Variants in KLF7 observed in about 807,000 individuals in gnomAD.
KLF7 encodes the protein KLF transcription factor 7.
KLF7 carries 2 observed loss-of-function variants against 27.3 expected under a neutral mutation model. The observed-to-expected ratio is 0.07, with a 90% CI of 0.03 to 0.23. The LOEUF is 0.23. KLF7 is among the 10% of genes least tolerant of loss of function. The probability of loss-of-function intolerance (pLI) is 1.00; values close to 1 mark genes in which losing one functional copy is unlikely to be tolerated. For synonymous variants in KLF7, 165 were observed against 162.4 expected, an observed-to-expected ratio of 1.02 and a Z score of -0.12; for missense variants, 221 against 394.1, an observed-to-expected ratio of 0.56 and a Z score of 3.72.
At chr2:207,094,585 A>G (rs1384693349) in intron 2 of KLF7, among the ~76,000 whole-genome samples, 1 of 152,224 alleles carries the variant, frequency 6.6e-6, no homozygotes, top group East Asian at 1.9e-4. Context: ...AGAGAATTTA[A>G]GCAAGCTGGA....
intron 2 of KLF7, among the ~76,000 whole-genome samples, chr2:207,098,472 T>C (rs1052108982): frequency 4.6e-5 from 7 of 152,170 alleles, no homozygotes; most frequent in African/African-American, 1.4e-4. Flanking sequence ...ACAATTCAAT[T>C]TGATGTATTA....
intron 2 of KLF7, among the ~76,000 whole-genome samples, chr2:207,116,359 T>C (rs1268721471): frequency 6.6e-6 from 1 of 152,240 alleles, no homozygotes; most frequent in African/African-American, 2.4e-5. Flanking sequence ...TGTCCTTATA[T>C]TTTAATTTTT....
chr2:207,127,842 C>CA (rs796567957), intron 1 of KLF7, among the ~76,000 whole-genome samples: 198 of 143,540 alleles, frequency 1.4e-3, no homozygotes, highest in South Asian at 0.011. Flanking sequence ...GATTCTGTGT[C>CA]AAAAAAAAAA....
At chr2:207,101,666 A>G (rs904206175) in intron 2 of KLF7, among the ~76,000 whole-genome samples, 2 of 152,172 alleles carry the variant, frequency 1.3e-5, no homozygotes, top group African/African-American at 4.8e-5. Flanking sequence ...CCTTGAGGCC[A>G]GACCCCACAT....
At chr2:207,168,612 A>G (rs916393584), upstream of KLF7, among the ~76,000 whole-genome samples, 7 of 152,190 alleles carry the variant, frequency 4.6e-5, no homozygotes, top group African/African-American at 1.7e-4. Flanking sequence ...GCTTCCATTG[A>G]GACTTTTCCT....
intron 1 of KLF7, among the ~76,000 whole-genome samples, chr2:207,150,883 CATT>C (rs1351343500): frequency 6.7e-6 from 1 of 150,190 alleles, no homozygotes; most frequent in Non-Finnish European, 1.5e-5. Flanking sequence ...TGCAAATGTT[CATT>C]AATAGAAGAT....
At chr2:207,171,215 C>G (rs767856728), upstream of KLF7, among the ~76,000 whole-genome samples, 24 of 151,728 alleles carry the variant, frequency 1.6e-4, no homozygotes, top group Admixed American at 3.3e-4. Context: ...AGCAAAAGAA[C>G]TAGAAGTAGA....
chr2:207,087,516 G>A (rs1047410453), intron 3 of KLF7, among the ~76,000 whole-genome samples: 1 of 152,058 alleles, frequency 6.6e-6, no homozygotes, highest in Non-Finnish European at 1.5e-5. Flanking sequence ...GAAAAGCCAG[G>A]CCCCTGCTGC....
intron 2 of KLF7, among the ~76,000 whole-genome samples, chr2:207,115,192 G>C (rs1268075489): frequency 1.3e-5 from 2 of 151,964 alleles, no homozygotes; most frequent in Admixed American, 1.3e-4. Context: ...AAAAAAAAGG[G>C]GGGGTATGCC....
At chr2:207,168,871 A>G (rs1200235131), upstream of KLF7, among the ~76,000 whole-genome samples, 1 of 152,238 alleles carries the variant, frequency 6.6e-6, no homozygotes, top group African/African-American at 2.4e-5. Flanking sequence ...TGTACAAAGT[A>G]ATCAACAAAT....
At chr2:207,105,022 A>G (rs2076849279) in intron 2 of KLF7, among the ~76,000 whole-genome samples, 1 of 152,186 alleles carries the variant, frequency 6.6e-6, no homozygotes, top group South Asian at 2.1e-4. Context: ...GGTACTACTG[A>G]CTACTAGAAC....
intron 2 of KLF7, among the ~76,000 whole-genome samples, chr2:207,105,253 G>A (rs933955703): frequency 2.0e-5 from 3 of 152,168 alleles, no homozygotes; most frequent in African/African-American, 7.2e-5. Flanking sequence ...TCTACCTGCC[G>A]CCCCTTTCTG....
intron 1 of KLF7, among the ~76,000 whole-genome samples, chr2:207,127,373 A>C (rs1011067828): frequency 3.9e-5 from 6 of 152,228 alleles, no homozygotes; most frequent in Admixed American, 1.3e-4. Context: ...AAGGTAGAGG[A>C]GAAGATTTTG....
upstream of KLF7, chr2:207,166,760 AAAAC>A (rs2106164228): frequency 3.0e-6 from 3 of 984,928 alleles, no homozygotes; most frequent in Non-Finnish European, 3.6e-6. Flanking sequence ...CACGTACTCA[AAAAC>A]AAGCAGAAAA....
upstream of KLF7, chr2:207,166,993 C>T: frequency 1.2e-6 from 1 of 818,524 alleles, no homozygotes; most frequent in East Asian, 3.9e-5. Context: ...GAGCGAGAGA[C>T]CTGGTCGGGA....
At chr2:207,110,391 T>A (rs528469619) in intron 2 of KLF7, among the ~76,000 whole-genome samples, 9 of 152,366 alleles carry the variant, frequency 5.9e-5, no homozygotes, top group Admixed American at 5.2e-4. Flanking sequence ...ACAGTTAATC[T>A]TCTTTTTGGT....
At chr2:207,112,545 G>A (rs2105943764) in intron 2 of KLF7, among the ~76,000 whole-genome samples, 1 of 152,290 alleles carries the variant, frequency 6.6e-6, no homozygotes, top group East Asian at 1.9e-4. Flanking sequence ...AGTTGCCTTT[G>A]CTAACTATTT....
Position 207,081,173 on chromosome 2 carries a change from A to C in KLF7, c.*40T>G. 1 of 1,592,046 alleles carries C rather than the reference A, an allele frequency of 6.3e-7. No homozygotes were observed. Among genetic ancestry groups the C allele is most frequent in the Non-Finnish European group, 8.6e-7 (1 of 1,159,904 alleles). ...CCCTGCCTCATGGCGTTTCCTTTAGACACTAGCCGATGCCATGGCAACTCT... is the reference window on the plus strand; with the variant it reads ...CCCTGCCTCATGGCGTTTCCTTTAGCCACTAGCCGATGCCATGGCAACTCT... On this transcript the variant is annotated 3_prime_UTR_variant, in exon 4 of 4. Transcript: ENST00000309446.
chr2:207,160,230 CT>C (rs1440919085), intron 1 of KLF7, among the ~76,000 whole-genome samples: 1 of 152,096 alleles, frequency 6.6e-6, no homozygotes, highest in Non-Finnish European at 1.5e-5. Flanking sequence ...TTCCGCCCCC[CT>C]ACCCCCAATC....
Sources: gnomAD v4.1 joint callset for allele counts (sites outside exome capture counted in the v4.1 genomes callset) on GRCh38, gnomAD v4.1.1 for gene constraint, MANE v1.5 for transcripts, NCBI Gene and HGNC (gene_info 2026-07-23, HGNC 2026-07-21) for gene names.